The following ARL17A variants were observed in gnomAD, a reference collection of about 807,000 sequenced individuals.
ARL17A encodes the protein ARF like GTPase 17A, also known as ADP-ribosylation factor-like 17-like.
chr17:46,550,916 G>A (rs543466957), downstream of ARL17A, among the ~76,000 whole-genome samples: 20 of 148,452 alleles, frequency 1.3e-4, no homozygotes, highest in East Asian at 3.7e-3. Flanking sequence ...ACCCTGGAGA[G>A]GAAGGAGAGA....
At chr17:46,504,792 T>C in the ARL17A span, among the ~76,000 whole-genome samples, 1 of 92,720 alleles carries the variant, frequency 1.1e-5, no homozygotes, top group Non-Finnish European at 2.0e-5. Flanking sequence ...ATACAGACTT[T>C]TACCTTAGGC....
In ARL17A at chr17:46,553,226, G is replaced by A. The variant is rs2056982146; in HGVS notation, c.*4130C>T. ...AACCAATCCCCCGCAAGATAGCAAGGATGACTGAACTATGGAAGAATCAAA... is the reference window on the plus strand; with the variant it reads ...AACCAATCCCCCGCAAGATAGCAAGAATGACTGAACTATGGAAGAATCAAA... On this transcript the variant is annotated 3_prime_UTR_variant, in exon 4 of 4. Coordinates refer to ENST00000336125, the MANE Select transcript of ARL17A (RefSeq NM_001113738.2). 1 of 837,956 alleles carries A rather than the reference G, an allele frequency of 1.2e-6. No individual in the cohort carries two copies. Among genetic ancestry groups the A allele is most frequent in the South Asian group, 5.8e-5 (1 of 17,274 alleles). The allele number at this position is 837,956 out of a possible 1,614,324, so 51.9% of individuals were successfully genotyped here. A position where few individuals can be genotyped will look rare whatever the true frequency, so the allele number is the denominator to read the frequency against.
intron 4 of ARL17A, among the ~76,000 whole-genome samples, chr17:46,529,582 C>A (rs2053359726): frequency 1.3e-5 from 1 of 75,732 alleles, no homozygotes; most frequent in African/African-American, 3.8e-5. Flanking sequence ...CCAAGACAGG[C>A]AGATCGCTTG....
chr17:46,549,060 T>G (rs1222446414), downstream of ARL17A: 2 of 1,612,028 alleles, frequency 1.2e-6, no homozygotes, highest in African/African-American at 2.7e-5. Context: ...AATACCGCTT[T>G]CACAAAACTC....
At chr17:46,542,990 C>T (rs1396477331) in intron 3 of ARL17A, among the ~76,000 whole-genome samples, 1 of 149,892 alleles carries the variant, frequency 6.7e-6, no homozygotes, top group African/African-American at 2.5e-5. Flanking sequence ...CTTTCCTCAG[C>T]CTCCTGCAGC....
chr17:46,503,758 T>G, the ARL17A span, among the ~76,000 whole-genome samples: 6 of 84,612 alleles, frequency 7.1e-5, no homozygotes, highest in African/African-American at 1.5e-4. Flanking sequence ...AGGGGTAACT[T>G]GGGGTGGGGG....
intron 3 of ARL17A, among the ~76,000 whole-genome samples, chr17:46,541,337 C>CT (rs1423020572): frequency 1.7e-4 from 26 of 149,764 alleles, no homozygotes; most frequent in Non-Finnish European, 3.2e-4. Context: ...CTGCAACCTC[C>CT]ACCTCCCAGG....
chr17:46,569,463 G>T (rs2057657310), intron 3 of ARL17A, among the ~76,000 whole-genome samples: 1 of 148,656 alleles, frequency 6.7e-6, no homozygotes, highest in Non-Finnish European at 1.5e-5. Context: ...TTGGTGATGG[G>T]TACATGGGGG....
At chr17:46,558,868 G>A (rs1314765925) in intron 3 of ARL17A, 2 of 97,420 alleles carry the variant, frequency 2.1e-5, no homozygotes, top group African/African-American at 9.4e-5. Context: ...TTTCAGAGAC[G>A]GGCCTCACTT....
chr17:46,534,924 C>T (rs528630848), intron 4 of ARL17A, among the ~76,000 whole-genome samples: 1 of 150,120 alleles, frequency 6.7e-6, no homozygotes, highest in East Asian at 1.9e-4. Context: ...CCTCACTTCT[C>T]AGATGGGGCG....
chr17:46,539,768 C>CAAAA (rs1204528686), intron 3 of ARL17A, among the ~76,000 whole-genome samples: 20 of 67,010 alleles, frequency 3.0e-4, no homozygotes, highest in East Asian at 1.4e-3. Flanking sequence ...GACTCCATCT[C>CAAAA]AAAAAAAAAA....
intron 3 of ARL17A, among the ~76,000 whole-genome samples, chr17:46,566,764 T>TA (rs1283042961): frequency 5.7e-5 from 1 of 17,578 alleles, no homozygotes; most frequent in African/African-American, 6.1e-5. Context: ...AGGAAAAGAA[T>TA]AAAGCATTTT....
chr17:46,509,907 G>A, the ARL17A span, among the ~76,000 whole-genome samples: 1 of 53,504 alleles, frequency 1.9e-5, no homozygotes, highest in African/African-American at 6.1e-5. Context: ...ACACTCTCTC[G>A]AGGAAAAAAA....
At chr17:46,516,554 TTAG>T (rs2051365924), downstream of ARL17A, 1 of 151,488 alleles carries the variant, frequency 6.6e-6, no homozygotes, top group Admixed American at 6.5e-5. Context: ...TGGTTGGAAT[TTAG>T]TAGACCAATG....
intron 4 of ARL17A, among the ~76,000 whole-genome samples, chr17:46,532,307 T>C (rs1016457805): frequency 6.7e-6 from 1 of 150,246 alleles, no homozygotes; most frequent in Non-Finnish European, 1.5e-5. Flanking sequence ...GAATACTCCG[T>C]TGAATTTGGT....
At chr17:46,542,526 G>GATATATATATAT (rs879872588) in intron 3 of ARL17A, among the ~76,000 whole-genome samples, 9 of 145,852 alleles carry the variant, frequency 6.2e-5, no homozygotes, top group Non-Finnish European at 1.2e-4. Context: ...TATATATATA[G>GATATATATATAT]ATATAGATAT....
At chr17:46,541,556 TCAG>T (rs1279510145) in intron 3 of ARL17A, among the ~76,000 whole-genome samples, 4 of 150,804 alleles carry the variant, frequency 2.7e-5, no homozygotes, top group Non-Finnish European at 5.9e-5. Flanking sequence ...CTGGCCTCAC[TCAG>T]CAGAATTTTT....
At chr17:46,516,132 C>T (rs532917071), downstream of ARL17A, among the ~76,000 whole-genome samples, 115 of 148,340 alleles carry the variant, frequency 7.8e-4, 3 homozygotes, top group African/African-American at 2.8e-3. Flanking sequence ...AACCCCATCT[C>T]TACTAAAAAT....
At chr17:46,543,554 G>T (rs1446113367) in intron 3 of ARL17A, among the ~76,000 whole-genome samples, 1 of 150,892 alleles carries the variant, frequency 6.6e-6, no homozygotes, top group African/African-American at 2.5e-5. Flanking sequence ...TAGTCCTCTG[G>T]TTATGTCAGA....
Sources: allele counts gnomAD v4.1 joint callset (sites outside exome capture counted in the v4.1 genomes callset), GRCh38; gene constraint gnomAD v4.1.1; transcripts MANE v1.5; gene names NCBI Gene and HGNC (gene_info 2026-07-23, HGNC 2026-07-21).